The following TBC1D10C variants were observed in gnomAD, a reference collection of about 807,000 sequenced individuals.
TBC1D10C encodes carabin.
Under a neutral mutation model 51.0 loss-of-function variants are expected in TBC1D10C, and 49 were observed. The observed-to-expected ratio is 0.96, with a 90% CI of 0.76 to 1.22. TBC1D10C has a LOEUF of 1.22. TBC1D10C is among the 50% of genes most tolerant of loss of function. TBC1D10C has a pLI of 0.00. For synonymous variants in TBC1D10C, 281 were observed against 266.7 expected (o/e 1.05, Z -0.52); for missense variants, 541 against 617.5 (o/e 0.88, Z 1.31).
In TBC1D10C at chr11:67,408,768, C is replaced by A. The variant is rs1176519201; in HGVS notation, c.839-211C>A. On this transcript the variant is annotated intron_variant, in intron 7 of 8. Transcript: ENST00000542590. Reference sequence around the variant, plus strand: ...TAACCAAATTCACAAGATAGTAACTCTTCCCCAAAGCATCTGTGGCTCTTG... The same window carrying A: ...TAACCAAATTCACAAGATAGTAACTATTCCCCAAAGCATCTGTGGCTCTTG... 5 of 542,010 alleles carry A rather than the reference C, an allele frequency of 9.2e-6. No homozygotes were observed. In the African/African-American group the frequency reaches 1.0e-4, roughly 11 times the overall value. 33.6% of individuals were successfully genotyped at this position (542,010 alleles called of 1,614,324 possible). A position where few individuals can be genotyped will look rare whatever the true frequency, so the allele number is the denominator to read the frequency against.
At chr11:67,408,958 G>A in intron 7 of TBC1D10C, 21 bp from the exon 8 acceptor site, 2 of 1,532,884 alleles carry the variant, frequency 1.3e-6, no homozygotes, top group Non-Finnish European at 1.8e-6. Context: ...GCCTCCCAGT[G>A]AATAAGCCCC....
chr11:67,407,080 AG>A, intron 7 of TBC1D10C, 64 bp downstream of exon 7: 1 of 1,516,182 alleles, frequency 6.6e-7, no homozygotes, highest in Non-Finnish European at 8.9e-7. Flanking sequence ...GTAGCTCACC[AG>A]CTCCAGGGTT....
chr11:67,405,556 A>T (rs1216499038), intron 3 of TBC1D10C, 39 bp from the exon 4 acceptor site: 12 of 1,613,636 alleles, frequency 7.4e-6, no homozygotes, highest in Non-Finnish European at 1.0e-5. Flanking sequence ...GCCCCTCACC[A>T]CACTGAACCC....
In TBC1D10C at chr11:67,405,984, G is replaced by A. The variant is rs781080829; in HGVS notation, c.549G>A (p.Val183=). Residue 183 remains valine (V), a synonymous_variant, in exon 5 of 9, where the codon GTG becomes GTA. Transcript: ENST00000542590. ...EQGYCQAQGP[V]AAVLLMHLPP... is the part of the protein sequence containing the mutation. ...GCTACTGCCAGGCCCAGGGGCCCGTGGCTGCTGTGCTGCTCATGCACCTGC... is the reference window on the plus strand; with the variant it reads ...GCTACTGCCAGGCCCAGGGGCCCGTAGCTGCTGTGCTGCTCATGCACCTGC... 3.7e-6 allele frequency: 6 copies of A among 1,604,398 alleles called. No homozygotes were observed. The highest frequency in any genetic ancestry group is 5.1e-6 in the Non-Finnish European group (6 of 1,176,630).
chr11:67,408,818 C>G (rs1377327402), intron 7 of TBC1D10C, 161 bp from the exon 8 acceptor site: 2 of 913,522 alleles, frequency 2.2e-6, no homozygotes, highest in East Asian at 6.4e-5. Flanking sequence ...AGTACAGCGG[C>G]CTGTGTTACC....
At position 67,409,143 on chromosome 11, in the gene TBC1D10C, C is replaced by T; in HGVS notation, c.993+10C>T. The T allele has an allele frequency of 1.9e-6, 3 of 1,581,060 alleles. No individual in the cohort carries two copies. Among genetic ancestry groups the T allele is most frequent in the African/African-American group, 1.4e-5 (1 of 73,694 alleles). ...GGCCTTCATGTCACAGGTGGGTACC[C>T]CCACCTCTCCTTGGACTTGCCCAGC... On this transcript the variant is annotated intron_variant, in intron 8 of 8. Coordinates refer to ENST00000542590, the MANE Select transcript of TBC1D10C (RefSeq NM_001369496.1).
chr11:67,405,211 C>G (rs1415845918), intron 2 of TBC1D10C, 27 bp downstream of exon 2: 32 of 1,547,816 alleles, frequency 2.1e-5, no homozygotes, highest in Non-Finnish European at 2.5e-5. Flanking sequence ...CCCCACTTGG[C>G]TTCCATGGCT....
chr11:67,405,890 T>C lies in TBC1D10C; in HGVS notation c.468-13T>C. 1 of 1,579,448 alleles carries C rather than the reference T, an allele frequency of 6.3e-7. No homozygotes were observed. Among genetic ancestry groups the C allele is most frequent in the Non-Finnish European group, 8.6e-7 (1 of 1,163,564 alleles). On this transcript the variant is annotated splice_polypyrimidine_tract_variant and intron_variant, in intron 4 of 8. Transcript: ENST00000542590. ...CCTGCAGGACTGGCCCCTTATGGGGTCTTCCGGCACAGGCAGCAGGGGCTC... is the reference window on the plus strand; with the variant it reads ...CCTGCAGGACTGGCCCCTTATGGGGCCTTCCGGCACAGGCAGCAGGGGCTC...
At position 67,405,189 on chromosome 11, in the gene TBC1D10C, G is replaced by T. The variant is rs375251411; in HGVS notation, c.252+5G>T. ...ATGTCCCGGCGGTACAAGAAGGTGA[G>T]GGGGGCAGGGGCCCCACTTGGCTTC... On this transcript the variant is annotated splice_donor_5th_base_variant and intron_variant, in intron 2 of 8. Transcript: ENST00000542590. 3.2e-5 allele frequency: 49 copies of T among 1,550,774 alleles called. No homozygotes were observed. The highest frequency in any genetic ancestry group is 1.5e-4 in the African/African-American group (11 of 73,056).
chr11:67,409,107 C>G lies in TBC1D10C; in HGVS notation c.967C>G (p.Leu323Val). 1 of 1,599,662 alleles carries G rather than the reference C, an allele frequency of 6.3e-7. No homozygotes were observed. Among genetic ancestry groups the G allele is most frequent in the South Asian group, 1.1e-5 (1 of 89,514 alleles). Reference protein sequence around the residue: ...GALRAIPPAQLQEEAFMSQVH... With the variant: ...GALRAIPPAQVQEEAFMSQVH... ...CCTTCGAGCCATCCCCCCCGCGCAG[C>G]TGCAGGAGGAGGCCTTCATGTCACA... Residue 323 changes from leucine (L) to valine (V), a missense_variant, in exon 8 of 9, where the codon CTG (leucine) becomes GTG (valine). Physicochemically the swap from Leu to Val is conservative, Grantham distance 32. Coordinates refer to ENST00000542590, the MANE Select transcript of TBC1D10C (RefSeq NM_001369496.1).
chr11:67,404,209 C>T lies in TBC1D10C; in HGVS notation c.7C>T (p.Gln3Ter). The change falls in exon 1 of 9, where the codon CAG (glutamine) becomes TAG (stop). Residue 3 changes from glutamine (Q) to a stop codon, truncating the protein, a stop_gained. Coordinates refer to ENST00000542590, the MANE Select transcript of TBC1D10C (RefSeq NM_001369496.1). LOFTEE classifies it high-confidence loss of function. MA[Q>*]ALGEDLVQPP... ...ATCGAAGGCCCCGGGCACCATGGCC[C>T]AGGCCCTGGGGGAGGACCTGGTGCA... 1.9e-6 allele frequency: 3 copies of T among 1,551,332 alleles called. No individual in the cohort carries two copies. The highest frequency in any genetic ancestry group is 2.4e-5 in the East Asian group (1 of 42,002).
At chr11:67,406,766 G>C (rs1863180671) in intron 6 of TBC1D10C, 61 bp from the exon 7 acceptor site, 4 of 1,608,248 alleles carry the variant, frequency 2.5e-6, no homozygotes. Context: ...TGGGGACTGA[G>C]GGAGGTTGAG....
chr11:67,405,310 TGG>T (rs1278233452), intron 2 of TBC1D10C, 87 bp from the exon 3 acceptor site: 1 of 1,513,244 alleles, frequency 6.6e-7, no homozygotes, highest in African/African-American at 1.4e-5. Context: ...CCACCCAAAG[TGG>T]GCCCCTGCCT....
At position 67,409,048 on chromosome 11, in the gene TBC1D10C, GGGCCT is replaced by G. The variant is rs2135050567; in HGVS notation, c.910_914del (p.Ala304ProfsTer71). ...GCGCTGGGCACTGCAGAGCAGCGAG[GGGCCT>G]GCCCTGGCCTCCTGGAGACACTGGG... On this transcript the variant is annotated frameshift_variant, in exon 8 of 9. Transcript: ENST00000542590. LOFTEE classifies it high-confidence loss of function. 1 of 1,594,174 alleles carries G rather than the reference GGGCCT, an allele frequency of 6.3e-7. No individual in the cohort carries two copies. The highest frequency in any genetic ancestry group is 8.5e-7 in the Non-Finnish European group (1 of 1,172,046).
Position 67,404,321 on chromosome 11 carries a change from A to T in TBC1D10C, c.119A>T (p.Tyr40Phe). The T allele has an allele frequency of 6.3e-7, 1 of 1,596,598 alleles. No homozygotes were observed. Among genetic ancestry groups the T allele is most frequent in the South Asian group, 1.1e-5 (1 of 90,544 alleles). Residue 40 changes from tyrosine (Y) to phenylalanine (F), a missense_variant, in exon 1 of 9, where the codon TAT becomes TTT. Coordinates refer to ENST00000542590, the MANE Select transcript of TBC1D10C (RefSeq NM_001369496.1). ...GPGPYRQADR[Y>F]GFIGGSSAEP... ...GGCCCATATCGCCAGGCCGACCGCT[A>T]TGGATTCATTGGGGGCAGCTCAGCA...
Position 67,406,847 on chromosome 11 carries a change from C to G in TBC1D10C, c.669C>G (p.Ala223=). ...CACAGGAGGCTGTGCGGCTGGACGC[C>G]GAGGTGTTCATGGCCCTGCTGCGGC... is the stretch of plus-strand genomic sequence containing the variant. ...GPHMEAVRLD[A]EVFMALLRRL... Residue 223 remains alanine, a synonymous_variant, in exon 7 of 9, where the codon GCC becomes GCG. Transcript: ENST00000542590. The G allele has an allele frequency of 6.2e-7, 1 of 1,609,046 alleles. No homozygotes were observed.
chr11:67,405,367 C>T, intron 2 of TBC1D10C, 32 bp from the exon 3 acceptor site: 2 of 1,603,664 alleles, frequency 1.2e-6, no homozygotes, highest in Non-Finnish European at 1.7e-6. Context: ...GCTATGGAGG[C>T]TGCCTAGTGG....
chr11:67,405,596 A>T lies in TBC1D10C; in HGVS notation c.362A>T (p.Glu121Val), dbSNP rs1304809218. The change falls in exon 4 of 9, where the codon GAG becomes GTG. Residue 121 changes from glutamate (E) to valine (V), a missense_variant and splice_region_variant. By Grantham distance (121) the Glu-to-Val change is moderately radical (BLOSUM62 -2). Transcript: ENST00000542590. ...CQKNSPGTYQELAEAPGDPQW... is the reference protein window; with the variant it reads ...CQKNSPGTYQVLAEAPGDPQW... ...ACCCACCTTCCTGGCTACCCACAGG[A>T]GCTGGCAGAGGCCCCTGGAGACCCA... 6.2e-7 allele frequency: 1 copy of T among 1,613,810 alleles called. No individual in the cohort carries two copies. The highest frequency in any genetic ancestry group is 1.3e-5 in the African/African-American group (1 of 74,912).
intron 6 of TBC1D10C, 57 bp downstream of exon 6, chr11:67,406,749 G>C: frequency 6.3e-7 from 1 of 1,598,468 alleles, no homozygotes; most frequent in Non-Finnish European, 8.5e-7. Context: ...GTGAGTGGGT[G>C]GGGGTCTGGG....
Sources: allele counts gnomAD v4.1 joint callset, GRCh38; gene constraint gnomAD v4.1.1; transcripts MANE v1.5; gene names NCBI Gene and HGNC (gene_info 2026-07-23, HGNC 2026-07-21).